Variants in KRAS observed in about 807,000 individuals in gnomAD.
The protein encoded by KRAS is KRas proto-oncogene, GTPase, also known as GTPase KRas.
A neutral mutation model predicts 21.0 loss-of-function variants in KRAS; 1 was observed. That is an observed-to-expected ratio of 0.05 (90% CI 0.02 to 0.23). The LOEUF (loss-of-function observed/expected upper bound fraction) is 0.23, where lower values mean the gene tolerates loss of function less well. KRAS is among the 10% of genes least tolerant of loss of function. The probability of loss-of-function intolerance (pLI) is 1.00; values close to 1 mark genes in which losing one functional copy is unlikely to be tolerated. For synonymous variants in KRAS, 67 were observed against 72.5 expected (o/e 0.92, Z 0.39); for missense variants, 107 against 221.8 (o/e 0.48, Z 3.29).
chr12:25,245,613 G>A (rs1475669665), intron 1 of KRAS, among the ~76,000 whole-genome samples: 1 of 152,140 alleles, frequency 6.6e-6, no homozygotes, highest in Non-Finnish European at 1.5e-5. Flanking sequence ...CTCCATCGAC[G>A]CTTAAGAAAA....
At chr12:25,214,364 AT>A (rs1427626343) in intron 4 of KRAS, among the ~76,000 whole-genome samples, 4 of 149,976 alleles carry the variant, frequency 2.7e-5, no homozygotes, top group Non-Finnish European at 5.9e-5. Flanking sequence ...GGAACATGAG[AT>A]TTTATTCTAT....
chr12:25,235,735 C>T (rs1951537319), intron 2 of KRAS, among the ~76,000 whole-genome samples: 1 of 152,092 alleles, frequency 6.6e-6, no homozygotes, highest in Non-Finnish European at 1.5e-5. Flanking sequence ...ATGTTGAGGA[C>T]ACAGAACCAA....
intron 2 of KRAS, chr12:25,234,561 T>C (rs77722573): frequency 5.4e-6 from 1 of 186,412 alleles, no homozygotes; most frequent in Non-Finnish European, 1.1e-5. Flanking sequence ...AGGTTTTTTT[T>C]CTTATCTGCA....
intron 1 of KRAS, among the ~76,000 whole-genome samples, chr12:25,249,391 G>A (rs1592827655): frequency 6.8e-6 from 1 of 147,246 alleles, no homozygotes; most frequent in African/African-American, 2.5e-5. Flanking sequence ...AGCAGATGGA[G>A]ACCATCCTGA....
chr12:25,225,870 A>G lies in KRAS; in HGVS notation c.291-97T>C. The G allele has an allele frequency of 2.5e-6, 3 of 1,177,242 alleles. No homozygotes were observed. The South Asian group carries it at 3.9e-5, about 15-fold the overall frequency. 72.9% of individuals were successfully genotyped at this position (1,177,242 alleles called of 1,614,324 possible). A position where few individuals can be genotyped will look rare whatever the true frequency, so the allele number is the denominator to read the frequency against. Reference sequence around the variant, plus strand: ...TTGTCATAAAATTTGGCTGAAAGAAAACAATGTAATTCCTAGTTTCCACTA... The same window carrying G: ...TTGTCATAAAATTTGGCTGAAAGAAGACAATGTAATTCCTAGTTTCCACTA... On this transcript the variant is annotated intron_variant, in intron 3 of 4. Transcript: ENST00000311936.
In KRAS at chr12:25,207,968, T is replaced by C. The variant is rs1043187009; in HGVS notation, c.*1827A>G. 8 of 233,010 alleles carry C rather than the reference T, an allele frequency of 3.4e-5. No individual in the cohort carries two copies. The highest frequency in any genetic ancestry group is 6.8e-5 in the Non-Finnish European group (8 of 118,020). 14.4% of individuals were successfully genotyped at this position (233,010 alleles called of 1,614,324 possible). ...ATCAAGTCATGGGGCATGTGGAAGG[T>C]AGGGAGGCAAGATGACACTAATATG... is the stretch of plus-strand genomic sequence containing the variant. On this transcript the variant is annotated 3_prime_UTR_variant, in exon 5 of 5. Coordinates refer to ENST00000311936, the MANE Select transcript of KRAS (RefSeq NM_004985.5).
chr12:25,225,182 A>G (rs903840891), intron 4 of KRAS: 1 of 151,744 alleles, frequency 6.6e-6, no homozygotes, highest in Non-Finnish European at 1.5e-5. Flanking sequence ...AAATTCTGCC[A>G]AAGTAAAATT....
intron 4 of KRAS, among the ~76,000 whole-genome samples, chr12:25,224,183 TAAA>T (rs5797121): frequency 8.8e-5 from 7 of 79,720 alleles, no homozygotes; most frequent in South Asian, 4.8e-4. Flanking sequence ...TCCTATTTAC[TAAA>T]AAAAAAAAAA....
intron 1 of KRAS, among the ~76,000 whole-genome samples, chr12:25,249,688 G>GT (rs1951739936): frequency 2.0e-5 from 3 of 150,108 alleles, no homozygotes; most frequent in South Asian, 2.1e-4. Context: ...AAAAAATCAT[G>GT]TAAGTGCTGT....
chr12:25,250,271 C>T (rs1308011636), intron 1 of KRAS, among the ~76,000 whole-genome samples: 2 of 152,104 alleles, frequency 1.3e-5, no homozygotes, highest in Admixed American at 1.3e-4. Context: ...CCTAGAGATG[C>T]CAAATGCAGC....
rs746041425 is a variant in KRAS at position 25,205,498 on chromosome 12, AT to A, written c.*4296del. On this transcript the variant is annotated 3_prime_UTR_variant, in exon 5 of 5. Coordinates refer to ENST00000311936, the MANE Select transcript of KRAS (RefSeq NM_004985.5). ...AGAAAGCACAATGTACAAAATGTGC[AT>A]GTTTCAGTTTACACTATACAAAAAT... The A allele has an allele frequency of 2.8e-5, 6 of 216,958 alleles. No individual in the cohort carries two copies. The East Asian group carries it at 3.4e-4, about 12-fold the overall frequency. 13.4% of individuals were successfully genotyped at this position (216,958 alleles called of 1,614,324 possible).
Position 25,227,260 on chromosome 12 carries a change from T to C in KRAS, c.264A>G (p.Lys88=), listed in dbSNP as rs370920665. 1.6e-4 allele frequency: 255 copies of C among 1,613,344 alleles called. 3 individuals are homozygous for C. Among genetic ancestry groups the C allele is most frequent in the South Asian group, 8.5e-4 (77 of 91,070 alleles). ...TATAATGGTGAATATCTTCAAATGA[T>C]TTAGTATTATTTATGGCAAATACAC... The part of the protein sequence containing the change: ...FLCVFAINNT[K]SFEDIHHYRE... Residue 88 remains lysine, a synonymous_variant, in exon 3 of 5, where the codon AAA becomes AAG. Coordinates refer to ENST00000311936, the MANE Select transcript of KRAS (RefSeq NM_004985.5).
chr12:25,246,339 C>T (rs1337736195), intron 1 of KRAS, among the ~76,000 whole-genome samples: 7 of 152,252 alleles, frequency 4.6e-5, no homozygotes, highest in Non-Finnish European at 1.0e-4. Flanking sequence ...GGGTGGATCA[C>T]CTGAGGCCAG....
intron 4 of KRAS, chr12:25,215,249 A>G (rs1314301116): frequency 1.3e-6 from 1 of 748,654 alleles, no homozygotes; most frequent in Non-Finnish European, 1.6e-6. Flanking sequence ...AGCCATCAAA[A>G]TTGTCTCAAT....
At chr12:25,244,932 G>C (rs893478141) in intron 2 of KRAS, among the ~76,000 whole-genome samples, 1 of 152,034 alleles carries the variant, frequency 6.6e-6, no homozygotes, top group African/African-American at 2.4e-5. Flanking sequence ...TACATATGAT[G>C]TCACAATACC....
intron 2 of KRAS, 49 bp from the exon 3 acceptor site, chr12:25,227,461 T>A (rs1321070362): frequency 6.5e-7 from 1 of 1,542,030 alleles, no homozygotes. Flanking sequence ...ACCTTTTACT[T>A]CAAAAAAGGT....
In KRAS at chr12:25,245,394, G is replaced by T; in HGVS notation, c.-10C>A. On this transcript the variant is annotated splice_region_variant and 5_prime_UTR_variant, in exon 2 of 5. Coordinates refer to ENST00000311936, the MANE Select transcript of KRAS (RefSeq NM_004985.5). The stretch of plus-strand genomic sequence containing the variant: ...GTTTATATTCAGTCATTTTCAGCAG[G>T]CCTTATAATAAAAATAATGAAAATG... 2 of 1,602,870 alleles carry T rather than the reference G, an allele frequency of 1.2e-6. No individual in the cohort carries two copies. The highest frequency in any genetic ancestry group is 1.1e-5 in the South Asian group (1 of 89,584).
intron 1 of KRAS, among the ~76,000 whole-genome samples, chr12:25,246,627 T>C (rs755738314): frequency 2.7e-4 from 41 of 151,888 alleles, no homozygotes; most frequent in Non-Finnish European, 4.7e-4. Flanking sequence ...TGTTAAGAGA[T>C]GCAAGTGAGC....
chr12:25,209,300 A>G lies in KRAS; in HGVS notation c.*495T>C. 1 of 633,578 alleles carries G rather than the reference A, an allele frequency of 1.6e-6. No individual in the cohort carries two copies. The highest frequency in any genetic ancestry group is 2.0e-5 in the South Asian group (1 of 51,080). The allele number at this position is 633,578 out of a possible 1,614,324, so 39.2% of individuals were successfully genotyped here. On this transcript the variant is annotated 3_prime_UTR_variant, in exon 5 of 5. Transcript: ENST00000311936. ...TTACATTCATCAGGGATGACAAACT[A>G]TAGGACATGATGCCTAGAAGAATCA...
Sources: gnomAD v4.1 joint callset for allele counts (sites outside exome capture counted in the v4.1 genomes callset) on GRCh38, gnomAD v4.1.1 for gene constraint, MANE v1.5 for transcripts, NCBI Gene and HGNC (gene_info 2026-07-23, HGNC 2026-07-21) for gene names.